The following COL4A6 variants were observed in gnomAD, a reference collection of about 807,000 sequenced individuals.
The protein encoded by COL4A6 is collagen alpha-6(IV) chain.
In COL4A6, 59 loss-of-function variants were observed where a neutral mutation model predicts 126.7. The observed-to-expected ratio is 0.47, with a 90% CI of 0.38 to 0.58. The LOEUF (loss-of-function observed/expected upper bound fraction) is 0.58, where lower values mean the gene tolerates loss of function less well. Ranked by LOEUF, COL4A6 falls within the 20% of genes least tolerant of loss-of-function variation. The pLI, the probability that COL4A6 is intolerant of heterozygous loss-of-function variation, is 0.00. For synonymous variants in COL4A6, 547 were observed against 496.6 expected (o/e 1.10, Z -1.35); for missense variants, 1,285 against 1,337.3 (o/e 0.96, Z 0.61).
chrX:108,243,429 A>C (rs1034200472), intron 3 of COL4A6, among the ~76,000 whole-genome samples: 1 of 110,978 alleles, frequency 9.0e-6, no homozygotes, highest in African/African-American at 3.3e-5. Flanking sequence ...GAGATACCAG[A>C]GTTCTCTCTT....
At chrX:108,377,388 T>G (rs1603189334) in intron 2 of COL4A6, among the ~76,000 whole-genome samples, 1 of 109,153 alleles carries the variant, frequency 9.2e-6, no homozygotes, top group Admixed American at 9.7e-5. Context: ...TCTTCCTCTT[T>G]CTTTTTTTTT....
intron 2 of COL4A6, among the ~76,000 whole-genome samples, chrX:108,319,183 C>A (rs1464118939): frequency 8.9e-6 from 1 of 111,910 alleles, no homozygotes. Context: ...TCGAGACCAG[C>A]CTGGGCAACA....
chrX:108,185,194 C>T (rs774297285), intron 23 of COL4A6, among the ~76,000 whole-genome samples: 1 of 110,636 alleles, frequency 9.0e-6, no homozygotes, highest in South Asian at 3.9e-4. Context: ...GAGTTTGAGA[C>T]CAGCCTGGCC....
intron 22 of COL4A6, 54 bp downstream of exon 22, chrX:108,187,794 C>A: frequency 9.1e-7 from 1 of 1,102,385 alleles, no homozygotes; most frequent in East Asian, 3.1e-5. Flanking sequence ...GACCCCCCAA[C>A]AAAGTCAGGT....
intron 2 of COL4A6, among the ~76,000 whole-genome samples, chrX:108,329,786 T>A (rs1469402194): frequency 1.8e-5 from 2 of 111,092 alleles, no homozygotes; most frequent in Non-Finnish European, 3.8e-5. Context: ...GTTTGGGATT[T>A]AAGTTTCTGA....
In COL4A6 at chrX:108,176,890, G is replaced by C; in HGVS notation, c.2637C>G (p.Ser879Arg). 2 of 1,211,431 alleles carry C rather than the reference G, an allele frequency of 1.7e-6. No individual in the cohort carries two copies. Among genetic ancestry groups the C allele is most frequent in the Non-Finnish European group, 2.2e-6 (2 of 895,459 alleles). Residue 879 changes from serine (S) to arginine (R), a missense_variant, in exon 28 of 45, where the codon AGC becomes AGG. Transcript: ENST00000334504. ...ACCCAGCGACCCCTGGAGAGCCTGG[G>C]CTTCCTTTCAGTCCTACTAGGCCTG... ...GNPGLVGLKG[S>R]PGSPGVAGLP...
chrX:108,428,244 C>T (rs780584156), intron 2 of COL4A6, among the ~76,000 whole-genome samples: 4 of 112,153 alleles, frequency 3.6e-5, no homozygotes, highest in Non-Finnish European at 7.5e-5. Flanking sequence ...CATTCAAAGC[C>T]GTCCTGGGCC....
chrX:108,295,258 C>G (rs1361884257), intron 3 of COL4A6, among the ~76,000 whole-genome samples: 1 of 111,928 alleles, frequency 8.9e-6, no homozygotes, highest in Non-Finnish European at 1.9e-5. Flanking sequence ...AGCTGGGTCA[C>G]CTTTCCAGAA....
upstream of COL4A6, chrX:108,439,369 C>T (rs2064339282): frequency 1.2e-6 from 1 of 811,785 alleles, no homozygotes; most frequent in Non-Finnish European, 1.7e-6. Context: ...TGTTTATAAG[C>T]ATATACTTTA....
intron 3 of COL4A6, among the ~76,000 whole-genome samples, chrX:108,276,074 C>T (rs937966862): frequency 3.5e-5 from 4 of 112,753 alleles, no homozygotes; most frequent in Non-Finnish European, 3.8e-5. Context: ...AAATTTCATT[C>T]GTGATTTCTC....
rs774357501 is a variant in COL4A6 at position 108,246,024 on chromosome X, C to T, written c.145-24650G>A. 8.1e-5 allele frequency among the ~76,000 whole-genome samples: 9 copies of T among 111,667 alleles called. No individual in the cohort carries two copies. The East Asian group carries it at 2.6e-3, about 32-fold the overall frequency. On this transcript the variant is annotated intron_variant, in intron 3 of 44. Transcript: ENST00000334504. ...TTCCATGGCCCTGATTACTTGGGTT[C>T]CTCTGAACTACTGGGGGAAAATGAT...
At chrX:108,189,606 A>G (rs1411055071) in intron 20 of COL4A6, among the ~76,000 whole-genome samples, 2 of 112,572 alleles carry the variant, frequency 1.8e-5, no homozygotes, top group African/African-American at 6.5e-5. Flanking sequence ...CAAAATTAAC[A>G]TCTAAGTTAA....
intron 3 of COL4A6, among the ~76,000 whole-genome samples, chrX:108,283,053 C>A (rs1174275322): frequency 9.8e-6 from 1 of 101,991 alleles, no homozygotes; most frequent in South Asian, 5.0e-4. Context: ...TGCTAAATGA[C>A]GAGTTAATGG....
At chrX:108,315,303 C>T (rs775923490) in intron 2 of COL4A6, among the ~76,000 whole-genome samples, 80 of 111,118 alleles carry the variant, frequency 7.2e-4, no homozygotes, top group African/African-American at 2.4e-3. Flanking sequence ...TGCAGTGGTG[C>T]GACCTGGGCT....
At position 108,159,505 on chromosome X, in the gene COL4A6, G is replaced by A. The variant is rs1281102589; in HGVS notation, c.4769C>T (p.Pro1590Leu). ...HSQDITIPQC[P>L]LGWRSLWIGY... Reference sequence around the variant, plus strand: ...AATCCAGAGGCTGCGCCAGCCCAGGGGGCACTGCGGGATGGTGATGTCCTG... The same window carrying A: ...AATCCAGAGGCTGCGCCAGCCCAGGAGGCACTGCGGGATGGTGATGTCCTG... Residue 1590 changes from proline to leucine, a missense_variant, in exon 44 of 45, where the codon CCC becomes CTC. Transcript: ENST00000334504. 9 of 1,210,898 alleles carry A rather than the reference G, an allele frequency of 7.4e-6. No homozygotes were observed. The highest frequency in any genetic ancestry group is 2.2e-5 in the Admixed American group (1 of 45,907).
At chrX:108,294,325 G>A (rs1387061921) in intron 3 of COL4A6, among the ~76,000 whole-genome samples, 3 of 110,042 alleles carry the variant, frequency 2.7e-5, no homozygotes, top group Non-Finnish European at 5.7e-5. Flanking sequence ...ACAAATTAAG[G>A]TTTTATAAGT....
intron 2 of COL4A6, among the ~76,000 whole-genome samples, chrX:108,343,163 A>G (rs1357074186): frequency 0.11 from 3,557 of 31,934 alleles, 107 homozygotes; most frequent in East Asian, 0.29. Flanking sequence ...ATATATATAT[A>G]TAGTGTGTGT....
Position 108,179,294 on chromosome X carries a change from GCAC to G in COL4A6, c.2273_2275del (p.Gly758del). On this transcript the variant is annotated inframe_deletion, in exon 26 of 45. Coordinates refer to ENST00000334504, the MANE Select transcript of COL4A6 (RefSeq NM_033641.4). Reference sequence around the variant, plus strand: ...TCCTTGTAGGCCTTGTTCCCCCGGAGCACCATTTTCAGCACCAAAGATGTCACC... The same window carrying G: ...TCCTTGTAGGCCTTGTTCCCCCGGAGCATTTTCAGCACCAAAGATGTCACC... The G allele has an allele frequency of 1.7e-6, 2 of 1,211,527 alleles. No homozygotes were observed. Among genetic ancestry groups the G allele is most frequent in the Non-Finnish European group, 2.2e-6 (2 of 895,469 alleles).
At chrX:108,229,977 T>C (rs755615135) in intron 3 of COL4A6, among the ~76,000 whole-genome samples, 1 of 112,468 alleles carries the variant, frequency 8.9e-6, no homozygotes, top group Non-Finnish European at 1.9e-5. Context: ...TTGGAACTGA[T>C]GAGCAAAACA....
Sources: allele counts gnomAD v4.1 joint callset (sites outside exome capture counted in the v4.1 genomes callset), GRCh38; gene constraint gnomAD v4.1.1; transcripts MANE v1.5; gene names NCBI Gene and HGNC (gene_info 2026-07-23, HGNC 2026-07-21).